PDCD6IP: variants seen among roughly 807,000 people sequenced by gnomAD.
The protein encoded by PDCD6IP is programmed cell death 6-interacting protein.
In PDCD6IP, 43 loss-of-function variants were observed where a neutral mutation model predicts 103.7. The ratio of observed to expected loss-of-function variants is 0.41; its 90% confidence interval spans 0.32 to 0.53. The LOEUF is 0.53. Ranked by LOEUF, PDCD6IP falls within the 20% of genes least tolerant of loss-of-function variation. The probability of loss-of-function intolerance (pLI) is 0.16; values close to 1 mark genes in which losing one functional copy is unlikely to be tolerated. For missense variants in PDCD6IP, 871 were observed against 1,036.7 expected (o/e 0.84, Z 2.20); for synonymous variants, 354 against 378.7 (o/e 0.93, Z 0.76).
At chr3:33,846,648 G>C (rs1156608334) in intron 12 of PDCD6IP, among the ~76,000 whole-genome samples, 3 of 152,162 alleles carry the variant, frequency 2.0e-5, no homozygotes, top group African/African-American at 4.8e-5. Context: ...AAAAGTAAAC[G>C]TGTAGGATCG....
chr3:33,801,500 G>A (rs953214981), intron 1 of PDCD6IP, among the ~76,000 whole-genome samples: 4 of 152,076 alleles, frequency 2.6e-5, no homozygotes, highest in Admixed American at 1.3e-4. Flanking sequence ...ATGAGAATGA[G>A]TACTTAAAAA....
chr3:33,805,662 C>G (rs1215959332), intron 1 of PDCD6IP, among the ~76,000 whole-genome samples: 1 of 150,774 alleles, frequency 6.6e-6, no homozygotes, highest in African/African-American at 2.4e-5. Flanking sequence ...TCAAGCAGTC[C>G]TCCTGTCTTG....
intron 15 of PDCD6IP, among the ~76,000 whole-genome samples, chr3:33,856,328 T>G (rs544461639): frequency 2.0e-5 from 3 of 152,074 alleles, no homozygotes; most frequent in Non-Finnish European, 4.4e-5. Context: ...AGATGTGAGG[T>G]GTCAGAATTC....
chr3:33,811,962 C>T, intron 1 of PDCD6IP, 110 bp from the exon 2 acceptor site: 1 of 1,355,540 alleles, frequency 7.4e-7, no homozygotes. Flanking sequence ...TATAAAATAG[C>T]TGCTCAAAGT....
chr3:33,844,172 G>C lies in PDCD6IP; in HGVS notation c.1420G>C (p.Glu474Gln), dbSNP rs1254876268. The C allele has an allele frequency of 1.2e-6, 2 of 1,607,798 alleles. No homozygotes were observed. Among genetic ancestry groups the C allele is most frequent in the African/African-American group, 2.7e-5 (2 of 74,506 alleles). ...TAATGATTTAAGAGCAAAATTTAAG[G>C]AACGTTGGCAAAGGACACCATCCAA... The part of the protein sequence containing the change: ...TDNDLRAKFK[E>Q]RWQRTPSNEL... Residue 474 changes from glutamate to glutamine, a missense_variant, in exon 11 of 18, where the codon GAA becomes CAA. Physicochemically the swap from Glu to Gln is conservative, Grantham distance 29. Transcript: ENST00000307296.
chr3:33,798,688 C>A lies in PDCD6IP; in HGVS notation c.-41C>A, dbSNP rs1249743612. 2 of 1,494,754 alleles carry A rather than the reference C, an allele frequency of 1.3e-6. No individual in the cohort carries two copies. Among genetic ancestry groups the A allele is most frequent in the African/African-American group, 1.4e-5 (1 of 71,750 alleles). 92.6% of individuals were successfully genotyped at this position (1,494,754 alleles called of 1,614,324 possible). ...TCTCTCCTCGGCCCTCGTAAGCTGTCCGCGGTCTGTTTGGCCCGAACGGCG... is the reference window on the plus strand; with the variant it reads ...TCTCTCCTCGGCCCTCGTAAGCTGTACGCGGTCTGTTTGGCCCGAACGGCG... On this transcript the variant is annotated 5_prime_UTR_variant, in exon 1 of 18. Transcript: ENST00000307296.
chr3:33,822,375 G>A (rs1697012623), intron 4 of PDCD6IP, among the ~76,000 whole-genome samples: 1 of 151,958 alleles, frequency 6.6e-6, no homozygotes, highest in South Asian at 2.1e-4. Context: ...TTTCATCTCA[G>A]GCATTTAGGG....
chr3:33,864,236 C>A (rs1698018059), intron 16 of PDCD6IP, 107 bp downstream of exon 16: 3 of 682,454 alleles, frequency 4.4e-6, no homozygotes, highest in Non-Finnish European at 7.6e-6. Flanking sequence ...TGGTTACCAC[C>A]TGCATCAGGT....
intron 1 of PDCD6IP, among the ~76,000 whole-genome samples, chr3:33,804,763 C>G (rs569000096): frequency 1.3e-5 from 2 of 152,274 alleles, no homozygotes; most frequent in East Asian, 3.9e-4. Flanking sequence ...GATTCCCCAG[C>G]TAGTTACTTT....
rs553821208 is a variant in PDCD6IP, at chr3:33,867,390, T to C, written c.*865T>C. The C allele has an allele frequency of 1.3e-5, 2 of 152,300 alleles. No individual in the cohort carries two copies. The highest frequency in any genetic ancestry group is 1.5e-5 in the Non-Finnish European group (1 of 68,008). 9.4% of individuals were successfully genotyped at this position (152,300 alleles called of 1,614,324 possible). A position where few individuals can be genotyped will look rare whatever the true frequency, so the allele number is the denominator to read the frequency against. ...TTTTTTCCCCATAACCTGGTTAAAA[T>C]AAATACGCCATTGGCAATACTTCAT... On this transcript the variant is annotated 3_prime_UTR_variant, in exon 18 of 18. Transcript: ENST00000307296.
chr3:33,818,926 A>G (rs920593869), intron 3 of PDCD6IP, among the ~76,000 whole-genome samples: 4 of 152,104 alleles, frequency 2.6e-5, no homozygotes, highest in African/African-American at 4.8e-5. Flanking sequence ...TCTTCTCTTT[A>G]TCTTTCATGT....
chr3:33,840,740 ATTCTGTAATGAATACTTAGATCATCTATT>A (rs1199615877), intron 9 of PDCD6IP, among the ~76,000 whole-genome samples: 2 of 152,216 alleles, frequency 1.3e-5, no homozygotes, highest in Non-Finnish European at 2.9e-5. Context: ...ACAGATGAAG[ATTCTGTAATGAATACTTAGATCATCTATT>A]TTCTGTTGAC....
chr3:33,819,421 T>G (rs1049362962), intron 3 of PDCD6IP, among the ~76,000 whole-genome samples: 10 of 152,226 alleles, frequency 6.6e-5, no homozygotes, highest in African/African-American at 2.4e-4. Context: ...TGGGCTTAGT[T>G]TTTCAGTTCG....
At chr3:33,821,450 T>C (rs533480544) in intron 3 of PDCD6IP, among the ~76,000 whole-genome samples, 18 of 151,540 alleles carry the variant, frequency 1.2e-4, no homozygotes, top group South Asian at 6.3e-4. Flanking sequence ...TTAATCAGAG[T>C]TGGGTTTTAG....
At chr3:33,826,056 A>C (rs1697116794) in intron 5 of PDCD6IP, among the ~76,000 whole-genome samples, 1 of 152,182 alleles carries the variant, frequency 6.6e-6, no homozygotes, top group South Asian at 2.1e-4. Context: ...TATGGGCTGA[A>C]ACTGAAAATA....
At chr3:33,846,612 T>TCCA (rs1200586501) in intron 12 of PDCD6IP, among the ~76,000 whole-genome samples, 9 of 152,176 alleles carry the variant, frequency 5.9e-5, no homozygotes, top group Non-Finnish European at 1.0e-4. Flanking sequence ...GATTGGCACA[T>TCCA]TATGAGAACA....
At position 33,863,780 on chromosome 3, in the gene PDCD6IP, G is replaced by A; in HGVS notation, c.2121-226G>A. 5.8e-6 allele frequency: 3 copies of A among 514,804 alleles called. No homozygotes were observed. The South Asian group carries it at 7.4e-5, about 13-fold the overall frequency. 31.9% of individuals were successfully genotyped at this position (514,804 alleles called of 1,614,324 possible). ...CTTTCTTTAGGATATATACCCAGCA[G>A]TGGGATTGTTGGATCATATTGTAGA... On this transcript the variant is annotated intron_variant, in intron 15 of 17. Transcript: ENST00000307296.
intron 15 of PDCD6IP, among the ~76,000 whole-genome samples, chr3:33,855,724 G>C (rs1477604895): frequency 2.6e-5 from 4 of 152,200 alleles, no homozygotes; most frequent in Non-Finnish European, 5.9e-5. Context: ...ATACAGAGTA[G>C]CACAGTGCTG....
chr3:33,826,089 G>A (rs911137919), intron 5 of PDCD6IP, among the ~76,000 whole-genome samples: 4 of 152,146 alleles, frequency 2.6e-5, no homozygotes, highest in African/African-American at 9.7e-5. Flanking sequence ...TCATGTGGAA[G>A]AAATAGGAAT....
Sources: gnomAD v4.1 joint callset for allele counts (sites outside exome capture counted in the v4.1 genomes callset) on GRCh38, gnomAD v4.1.1 for gene constraint, MANE v1.5 for transcripts, NCBI Gene and HGNC (gene_info 2026-07-23, HGNC 2026-07-21) for gene names.